Variants in LCOR observed in about 807,000 individuals in gnomAD.
The protein encoded by LCOR is ligand dependent nuclear receptor corepressor.
LCOR carries 14 observed loss-of-function variants against 64.4 expected under a neutral mutation model. The ratio of observed to expected loss-of-function variants is 0.22; its 90% CI spans 0.14 to 0.34. The LOEUF is 0.34. LCOR is among the 10% of genes least tolerant of loss of function. The pLI is 1.00. For synonymous variants in LCOR, 643 were observed against 642.5 expected (o/e 1.00, Z -0.01); for missense variants, 1,686 against 1,765.3 (o/e 0.96, Z 0.80).
rs190573704 is a variant in LCOR, at chr10:96,984,328, A to C, written c.3868A>C (p.Lys1290Gln). Residue 1290 changes from lysine (K) to glutamine (Q), a missense_variant, in exon 8 of 8, where the codon AAG becomes CAG. This residue lies in a region of LCOR where 1,293 missense variants were observed against 1,410.4 expected (regional missense o/e 0.92). Transcript: ENST00000421806. ...TTCTGAAGACAGCATAGAGGAAGTC[A>C]AGGAAGATAGAAACAGTCATCCTCC... ...PNSEDSIEEV[K>Q]EDRNSHPPAN... 5.6e-6 allele frequency: 9 copies of C among 1,614,128 alleles called. No individual in the cohort carries two copies. The African/African-American group carries it at 1.1e-4, about 19-fold the overall frequency.
chr10:96,835,667 C>G (rs1845429897), intron 2 of LCOR, among the ~76,000 whole-genome samples: 1 of 152,102 alleles, frequency 6.6e-6, no homozygotes. Context: ...GACTGATTAT[C>G]TTAATACTTT....
intron 2 of LCOR, among the ~76,000 whole-genome samples, chr10:96,881,891 T>G (rs183386796): frequency 1.3e-5 from 2 of 152,230 alleles, no homozygotes; most frequent in African/African-American, 2.4e-5. Flanking sequence ...TTTCAGTGTT[T>G]GATAATTCAC....
intron 7 of LCOR, among the ~76,000 whole-genome samples, chr10:96,970,711 G>A (rs1419700356): frequency 1.3e-5 from 2 of 151,076 alleles, no homozygotes; most frequent in Non-Finnish European, 2.9e-5. Flanking sequence ...CCAGGCTGGA[G>A]TGAAGTGGCA....
At chr10:96,884,089 G>A (rs1396884227) in intron 2 of LCOR, among the ~76,000 whole-genome samples, 1 of 151,868 alleles carries the variant, frequency 6.6e-6, no homozygotes, top group African/African-American at 2.4e-5. Flanking sequence ...TTCAAGTTCA[G>A]GGACTTCTGA....
rs112471030 is a variant in LCOR at position 96,876,688 on chromosome 10, A to G, written c.-329-30577A>G. ...GTTCACAAAGAATTAAAAAGCTCAT[A>G]GGCTTTTTTTTTCCTTTTGAGACGG... is the stretch of plus-strand genomic sequence containing the variant. On this transcript the variant is annotated intron_variant, in intron 2 of 7. Coordinates refer to ENST00000421806, the MANE Select transcript of LCOR (RefSeq NM_001346516.2). 1.3e-3 allele frequency among the ~76,000 whole-genome samples: 202 copies of G among 152,220 alleles called. No individual in the cohort carries two copies. The Middle Eastern group carries it at 0.014, about 10-fold the overall frequency.
Position 96,850,751 on chromosome 10 carries a change from T to G in LCOR, c.-330+17272T>G, listed in dbSNP as rs1381850326. 2.0e-5 allele frequency among the ~76,000 whole-genome samples: 3 copies of G among 152,336 alleles called. No individual in the cohort carries two copies. The East Asian group carries it at 5.8e-4, about 29-fold the overall frequency. ...GCATGAGCGACTGTGCTGGGCTTAC[T>G]AAATTTTAAAAGATTTGTGTTGAAC... On this transcript the variant is annotated intron_variant, in intron 2 of 7. Transcript: ENST00000421806.
At chr10:96,845,184 A>G (rs935779356) in intron 2 of LCOR, among the ~76,000 whole-genome samples, 1 of 152,216 alleles carries the variant, frequency 6.6e-6, no homozygotes, top group African/African-American at 2.4e-5. Context: ...GTCTTAGACA[A>G]AATGATTACT....
intron 2 of LCOR, 53 bp downstream of exon 2, chr10:96,833,532 C>T (rs927092291): frequency 1.3e-6 from 1 of 777,572 alleles, no homozygotes; most frequent in African/African-American, 1.9e-5. Flanking sequence ...TAGCCCCAGT[C>T]CATCCTTGTG....
intron 7 of LCOR, among the ~76,000 whole-genome samples, chr10:96,966,758 A>G (rs1212429245): frequency 6.6e-6 from 1 of 151,916 alleles, no homozygotes; most frequent in Non-Finnish European, 1.5e-5. Flanking sequence ...GTTGTTTGAC[A>G]GGATCTCATT....
chr10:96,886,722 A>G (rs1190099263), intron 2 of LCOR, among the ~76,000 whole-genome samples: 1 of 152,206 alleles, frequency 6.6e-6, no homozygotes, highest in Admixed American at 6.5e-5. Flanking sequence ...CTAATCTTTA[A>G]TGCCATCTGT....
In LCOR at chr10:96,985,860, C is replaced by G. The variant is rs1291096348; in HGVS notation, c.*726C>G. ...AAGTGTTAATTTTTGTTTACAAACT[C>G]TAAAAAATCATTTGCATCCCCAAAC... On this transcript the variant is annotated 3_prime_UTR_variant, in exon 8 of 8. Transcript: ENST00000421806. 2.4e-5 allele frequency: 4 copies of G among 167,008 alleles called. No individual in the cohort carries two copies. The highest frequency in any genetic ancestry group is 7.2e-5 in the African/African-American group (3 of 41,446). The allele number at this position is 167,008 out of a possible 1,614,324, so 10.3% of individuals were successfully genotyped here. A position where few individuals can be genotyped will look rare whatever the true frequency, so the allele number is the denominator to read the frequency against.
At chr10:96,857,159 T>C (rs1564604960) in intron 2 of LCOR, among the ~76,000 whole-genome samples, 1 of 152,172 alleles carries the variant, frequency 6.6e-6, no homozygotes. Flanking sequence ...TATTTCTATC[T>C]CACAAGACAT....
In LCOR at chr10:96,901,647, C is replaced by T. The variant is rs189996038; in HGVS notation, c.-329-5618C>T. 1.1e-3 allele frequency among the ~76,000 whole-genome samples: 165 copies of T among 152,306 alleles called. 1 individual carries two copies. The highest frequency in any genetic ancestry group is 1.9e-3 in the Admixed American group (29 of 15,300). On this transcript the variant is annotated intron_variant, in intron 2 of 7. Coordinates refer to ENST00000421806, the MANE Select transcript of LCOR (RefSeq NM_001346516.2). Reference sequence around the variant, plus strand: ...TTCTTGCTCTAAAAATCCTATTTTACAGATACTGCACGTCTGGCCACCTCA... The same window carrying T: ...TTCTTGCTCTAAAAATCCTATTTTATAGATACTGCACGTCTGGCCACCTCA...
At chr10:96,907,399 C>G (rs1430838712) in intron 3 of LCOR, 69 bp downstream of exon 3, 19 of 440,220 alleles carry the variant, frequency 4.3e-5, no homozygotes, top group Non-Finnish European at 5.1e-5. Flanking sequence ...TGTTTTAAGC[C>G]TCAGTCTCCT....
chr10:96,876,179 G>A (rs1846161266), intron 2 of LCOR, among the ~76,000 whole-genome samples: 1 of 152,168 alleles, frequency 6.6e-6, no homozygotes, highest in African/African-American at 2.4e-5. Flanking sequence ...GAAGTCCAAG[G>A]TTGAGGAGCC....
At chr10:96,845,449 C>CTTTTTTTTTTTTTTTTTTTTTTTT (rs762639752) in intron 2 of LCOR, among the ~76,000 whole-genome samples, 2 of 48,658 alleles carry the variant, frequency 4.1e-5, no homozygotes, top group African/African-American at 1.7e-4. Context: ...TGGGCTTATC[C>CTTTTTTTTTTTTTTTTTTTTTTTT]TTTTTTTTTT....
rs563225758 is a variant in LCOR at position 96,906,307 on chromosome 10, C to T, written c.-329-958C>T. Among the ~76,000 whole-genome samples, 9 of 152,184 alleles carry T rather than the reference C, an allele frequency of 5.9e-5. No homozygotes were observed. The South Asian group carries it at 6.2e-4, about 11-fold the overall frequency. On this transcript the variant is annotated intron_variant, in intron 2 of 7. Coordinates refer to ENST00000421806, the MANE Select transcript of LCOR (RefSeq NM_001346516.2). ...ATGCACAAGACGTTAATTTCGAGGC[C>T]GCACTGAGAGTGCATATGGATTCAT...
At chr10:96,931,308 A>G (rs1353281897) in intron 4 of LCOR, among the ~76,000 whole-genome samples, 1 of 149,066 alleles carries the variant, frequency 6.7e-6, no homozygotes, top group Non-Finnish European at 1.5e-5. Context: ...ATCTTGGTTC[A>G]CTGCAACTTC....
intron 4 of LCOR, among the ~76,000 whole-genome samples, chr10:96,937,494 ATC>A (rs1290660623): frequency 6.6e-6 from 1 of 152,168 alleles, no homozygotes; most frequent in Non-Finnish European, 1.5e-5. Flanking sequence ...ATGGCCAGGT[ATC>A]TTCACTGGTA....
Sources: allele counts gnomAD v4.1 joint callset (sites outside exome capture counted in the v4.1 genomes callset), GRCh38; gene constraint gnomAD v4.1.1; regional missense constraint gnomAD v4.1.1; transcripts MANE v1.5; gene names NCBI Gene and HGNC (gene_info 2026-07-23, HGNC 2026-07-21).